The following SMG1 variants were observed in gnomAD, a reference collection of about 807,000 sequenced individuals.
SMG1 encodes serine/threonine-protein kinase SMG1.
A neutral mutation model predicts 419.9 loss-of-function variants in SMG1; 22 were observed. The ratio of observed to expected loss-of-function variants is 0.05; its 90% CI spans 0.04 to 0.07. The LOEUF is 0.07. SMG1 is among the 10% of genes least tolerant of loss of function. The pLI is 1.00. For synonymous variants in SMG1, 1,538 were observed against 1,553.5 expected, an observed-to-expected ratio of 0.99 and a Z score of 0.23; for missense variants, 3,185 against 4,342.0, an observed-to-expected ratio of 0.73 and a Z score of 7.49.
Position 18,835,161 on chromosome 16 carries a change from A to G in SMG1, c.8061T>C (p.Tyr2687=), listed in dbSNP as rs371090049. The change falls in exon 49 of 63, where the codon TAT becomes TAC. Residue 2687 remains tyrosine (Y), a synonymous_variant. Transcript: ENST00000446231. ...VERCQELYRK[Y]EMQYAPQPPP... is the part of the protein sequence containing the mutation. The stretch of plus-strand genomic sequence containing the variant: ...GTGGCTGGGGAGCATATTGCATTTC[A>G]TATCTATAAAAATAAGGAAGAGGTG... 5.5e-5 allele frequency: 88 copies of G among 1,602,522 alleles called. No homozygotes were observed. The African/African-American group carries it at 9.1e-4, about 17-fold the overall frequency.
intron 55 of SMG1, among the ~76,000 whole-genome samples, chr16:18,821,221 C>CTTTTTTTTTTTTTTTTTTTTTTTTTT (rs869238782): frequency 5.1e-4 from 18 of 35,604 alleles, no homozygotes; most frequent in African/African-American, 1.3e-3. Flanking sequence ...TAGTATGTTT[C>CTTTTTTTTTTTTTTTTTTTTTTTTTT]TTTTTTTTTT....
Position 18,838,619 on chromosome 16 carries a change from T to C in SMG1, c.7016A>G (p.Asp2339Gly). 1 of 1,613,716 alleles carries C rather than the reference T, an allele frequency of 6.2e-7. No homozygotes were observed. Among genetic ancestry groups the C allele is most frequent in the Non-Finnish European group, 8.5e-7 (1 of 1,179,724 alleles). Residue 2339 changes from aspartate (D) to glycine (G), a missense_variant, in exon 43 of 63, where the codon GAT becomes GGT. Coordinates refer to ENST00000446231, the MANE Select transcript of SMG1 (RefSeq NM_015092.5). ...AGTCGTCATATCTATAAGAACATTA[T>C]CCAGATGTCTGTCTCCAAGGCCAAT... is the stretch of plus-strand genomic sequence containing the variant. ...YIIGLGDRHLDNVLIDMTTGE... is the reference protein window; with the variant it reads ...YIIGLGDRHLGNVLIDMTTGE...
chr16:18,897,806 A>G (rs2037193060), intron 1 of SMG1, among the ~76,000 whole-genome samples: 1 of 152,118 alleles, frequency 6.6e-6, no homozygotes, highest in Non-Finnish European at 1.5e-5. Context: ...TAAACTATCA[A>G]GAAAGAAGAC....
At chr16:18,839,155 TTTTAAA>T (rs1278549152) in intron 42 of SMG1, among the ~76,000 whole-genome samples, 1 of 152,142 alleles carries the variant, frequency 6.6e-6, no homozygotes, top group African/African-American at 2.4e-5. Flanking sequence ...CTCTTTCTTT[TTTTAAA>T]TTTAAATATT....
In SMG1 at chr16:18,847,465, T is replaced by C. The variant is rs374945167; in HGVS notation, c.5984A>G (p.Asn1995Ser). ...TATGGAAACATACTTGCGTAAGGTG[T>C]TGTTGTTCTGGACTCTCTTCACCTC... ...EDEVKRVQNN[N>S]TLRKEEKIAI... The change falls in exon 38 of 63, where the codon AAC becomes AGC. Residue 1995 changes from asparagine (N) to serine (S), a missense_variant. Asn to Ser is a conservative substitution (Grantham distance 46). This residue lies in a region of SMG1 where 159 missense variants were observed against 196.0 expected (regional missense o/e 0.81). Coordinates refer to ENST00000446231, the MANE Select transcript of SMG1 (RefSeq NM_015092.5). The C allele has an allele frequency of 3.1e-6, 5 of 1,614,048 alleles. No individual in the cohort carries two copies. Among genetic ancestry groups the C allele is most frequent in the Non-Finnish European group, 4.2e-6 (5 of 1,179,894 alleles).
At chr16:18,906,124 C>G (rs958013146) in intron 1 of SMG1, among the ~76,000 whole-genome samples, 1 of 152,048 alleles carries the variant, frequency 6.6e-6, no homozygotes, top group Non-Finnish European at 1.5e-5. Context: ...CATTCCCATT[C>G]TCTTCAAATT....
chr16:18,821,221 C>CTTTTTTTTTTTTTTTTTT (rs869238782), intron 55 of SMG1, among the ~76,000 whole-genome samples: 32 of 35,598 alleles, frequency 9.0e-4, no homozygotes, highest in African/African-American at 1.2e-3. Flanking sequence ...TAGTATGTTT[C>CTTTTTTTTTTTTTTTTTT]TTTTTTTTTT....
chr16:18,810,305 A>G (rs577087340), intron 62 of SMG1, among the ~76,000 whole-genome samples: 1 of 152,318 alleles, frequency 6.6e-6, no homozygotes, highest in South Asian at 2.1e-4. Context: ...TCCAAAAAAA[A>G]TCTTGAATGA....
chr16:18,913,908 G>A (rs2037877454), intron 1 of SMG1, among the ~76,000 whole-genome samples: 1 of 152,106 alleles, frequency 6.6e-6, no homozygotes, highest in Admixed American at 6.6e-5. Flanking sequence ...GTTTACGCCT[G>A]TAATCCCAGC....
intron 55 of SMG1, among the ~76,000 whole-genome samples, chr16:18,827,546 T>A (rs192831600): frequency 0.021 from 2,685 of 127,568 alleles, 57 homozygotes; most frequent in Middle Eastern, 0.039. Flanking sequence ...CAAAATATAT[T>A]TTTTTATATA....
At chr16:18,907,055 G>A (rs1299480411) in intron 1 of SMG1, among the ~76,000 whole-genome samples, 6 of 152,042 alleles carry the variant, frequency 3.9e-5, no homozygotes, top group Non-Finnish European at 7.4e-5. Context: ...AGGCTGAGGC[G>A]GATGGATCAC....
intron 39 of SMG1, among the ~76,000 whole-genome samples, chr16:18,843,240 T>G (rs1463625458): frequency 6.6e-6 from 1 of 152,218 alleles, no homozygotes; most frequent in Non-Finnish European, 1.5e-5. Context: ...TCTACTCTTA[T>G]CAAACTGGAG....
intron 3 of SMG1, among the ~76,000 whole-genome samples, chr16:18,893,918 G>A (rs143387590): frequency 0.016 from 2,368 of 151,886 alleles, 60 homozygotes; most frequent in African/African-American, 0.054. Flanking sequence ...TTAGCCGGGC[G>A]TGGTGGCGCG....
chr16:18,874,487 T>C (rs1445426181), intron 13 of SMG1, among the ~76,000 whole-genome samples: 1 of 148,020 alleles, frequency 6.8e-6, no homozygotes, highest in African/African-American at 2.5e-5. Flanking sequence ...CTCTGTGTGG[T>C]CCAATAGGAA....
At chr16:18,917,122 T>C (rs1034867076) in intron 1 of SMG1, among the ~76,000 whole-genome samples, 6 of 152,180 alleles carry the variant, frequency 3.9e-5, no homozygotes, top group South Asian at 2.1e-4. Context: ...CATATTGAGC[T>C]GAACACTTTT....
chr16:18,881,061 T>G (rs1460386079), intron 10 of SMG1, among the ~76,000 whole-genome samples: 2 of 150,770 alleles, frequency 1.3e-5, no homozygotes, highest in East Asian at 1.9e-4. Context: ...AAGATTACAG[T>G]GAGCTATGAT....
At chr16:18,921,198 A>G (rs1450760355) in intron 1 of SMG1, among the ~76,000 whole-genome samples, 2 of 150,980 alleles carry the variant, frequency 1.3e-5, no homozygotes, top group Admixed American at 1.3e-4. Context: ...GCCTGGGACT[A>G]ATTTATTAGT....
At position 18,829,160 on chromosome 16, in the gene SMG1, T is replaced by C. The variant is rs181359113; in HGVS notation, c.9603+126A>G. 12 of 710,494 alleles carry C rather than the reference T, an allele frequency of 1.7e-5. No homozygotes were observed. The African/African-American group carries it at 2.1e-4, about 13-fold the overall frequency. The allele number at this position is 710,494 out of a possible 1,614,324, so 44.0% of individuals were successfully genotyped here. ...AAAGTGCCAAAATGCTATGGTGTGT[T>C]TGCATTGGGTTGCTGTGAGTTCAGG... On this transcript the variant is annotated intron_variant, in intron 54 of 62. Transcript: ENST00000446231.
intron 51 of SMG1, among the ~76,000 whole-genome samples, chr16:18,830,843 C>T (rs1172515053): frequency 1.3e-5 from 2 of 152,104 alleles, no homozygotes; most frequent in Non-Finnish European, 2.9e-5. Flanking sequence ...TCATGTCAAC[C>T]ACAATAGGAT....
Sources: allele counts gnomAD v4.1 joint callset (sites outside exome capture counted in the v4.1 genomes callset), GRCh38; gene constraint gnomAD v4.1.1; regional missense constraint gnomAD v4.1.1; transcripts MANE v1.5; gene names NCBI Gene and HGNC (gene_info 2026-07-23, HGNC 2026-07-21).